The following CDH23 variants were observed in gnomAD, a reference collection of about 807,000 sequenced individuals.
The protein encoded by CDH23 is cadherin-23.
A neutral mutation model predicts 317.1 loss-of-function variants in CDH23; 189 were observed. The ratio of observed to expected loss-of-function variants is 0.60; its 90% confidence interval spans 0.53 to 0.67. The LOEUF is 0.67. Ranked by LOEUF, CDH23 falls within the 30% of genes least tolerant of loss-of-function variation. The pLI is 0.00. For missense variants in CDH23, 4,401 were observed against 4,592.4 expected (o/e 0.96, Z 1.20); for synonymous variants, 1,839 against 1,876.8 (o/e 0.98, Z 0.52).
chr10:71,709,248 T>G, intron 27 of CDH23, 37 bp downstream of exon 27: 1 of 1,572,174 alleles, frequency 6.4e-7, no homozygotes, highest in Non-Finnish European at 8.7e-7. Flanking sequence ...CACAGTGATC[T>G]GGGCAGAGTT....
intron 18 of CDH23, 138 bp downstream of exon 18, chr10:71,682,710 T>A: frequency 9.0e-7 from 1 of 1,111,578 alleles, no homozygotes; most frequent in South Asian, 1.5e-5. Context: ...CAGCCATCTG[T>A]CCCAAAGCCT....
At chr10:71,730,678 C>T (rs947736509) in intron 31 of CDH23, 74 bp downstream of exon 31, 5 of 1,580,702 alleles carry the variant, frequency 3.2e-6, no homozygotes, top group Non-Finnish European at 4.3e-6. Flanking sequence ...GCCCCTCCTT[C>T]GAAACGGTCA....
In CDH23 at chr10:71,815,453, C is replaced by A; in HGVS notation, c.*175C>A. 1.8e-6 allele frequency: 1 copy of A among 543,674 alleles called. No individual in the cohort carries two copies. Among genetic ancestry groups the A allele is most frequent in the South Asian group, 3.1e-5 (1 of 31,970 alleles). The allele number at this position is 543,674 out of a possible 1,614,324, so 33.7% of individuals were successfully genotyped here. The stretch of plus-strand genomic sequence containing the variant: ...GCTCAGATCCCACTTTTGCCAGACG[C>A]TCATTCAGCATCTGACCTCTACCTT... On this transcript the variant is annotated 3_prime_UTR_variant, in exon 70 of 70. Coordinates refer to ENST00000224721, the MANE Select transcript of CDH23 (RefSeq NM_022124.6).
At position 71,774,965 on chromosome 10, in the gene CDH23, G is replaced by A. The variant is rs564741382; in HGVS notation, c.4846-2715G>A. On this transcript the variant is annotated intron_variant, in intron 38 of 69. Coordinates refer to ENST00000224721, the MANE Select transcript of CDH23 (RefSeq NM_022124.6). Reference sequence around the variant, plus strand: ...GGCAGGGAAGGCTACAACAGAGGAAGGCTGAGGCATCATGTTATTACTAAG... The same window carrying A: ...GGCAGGGAAGGCTACAACAGAGGAAAGCTGAGGCATCATGTTATTACTAAG... Among the ~76,000 whole-genome samples the A allele has an allele frequency of 3.3e-5, 5 of 152,310 alleles. No individual in the cohort carries two copies. In the East Asian group the frequency reaches 9.6e-4, roughly 29 times the overall value.
At chr10:71,746,494 T>G (rs1037927067) in intron 38 of CDH23, among the ~76,000 whole-genome samples, 2 of 152,208 alleles carry the variant, frequency 1.3e-5, no homozygotes, top group Non-Finnish European at 1.5e-5. Flanking sequence ...CACAATGGTG[T>G]GCCACTGGCC....
intron 22 of CDH23, among the ~76,000 whole-genome samples, chr10:71,696,483 A>AAGCT (rs2132719323): frequency 6.6e-6 from 1 of 152,326 alleles, no homozygotes; most frequent in South Asian, 2.1e-4. Flanking sequence ...CAAGGTCCCA[A>AAGCT]AGCTAGTAAA....
intron 3 of CDH23, among the ~76,000 whole-genome samples, chr10:71,455,476 G>A (rs772617827): frequency 3.3e-5 from 5 of 152,004 alleles, no homozygotes; most frequent in Non-Finnish European, 7.4e-5. Context: ...ATAGGTAGAC[G>A]GACAGATGCA....
chr10:71,670,000 CA>C (rs11297300), intron 14 of CDH23, among the ~76,000 whole-genome samples: 101,233 of 151,538 alleles, frequency 0.67, 34,682 homozygotes, highest in East Asian at 0.82. Context: ...GACTCCGTCT[CA>C]AAAAAAAAAT....
chr10:71,547,003 T>G (rs926357980), intron 6 of CDH23, among the ~76,000 whole-genome samples: 11 of 152,294 alleles, frequency 7.2e-5, no homozygotes, highest in African/African-American at 2.4e-4. Context: ...AGGGTGTCAT[T>G]CATTCAACAG....
chr10:71,731,862 G>A, intron 31 of CDH23, 125 bp from the exon 32 acceptor site: 1 of 927,958 alleles, frequency 1.1e-6, no homozygotes, highest in Non-Finnish European at 1.6e-6. Flanking sequence ...GATCCTGCCG[G>A]CAGAGGTGGG....
rs1286813399 is a variant in CDH23 at position 71,815,069 on chromosome 10, C to T, written c.9856C>T (p.His3286Tyr). Residue 3286 changes from histidine (H) to tyrosine (Y), a missense_variant, in exon 70 of 70, where the codon CAC becomes TAC. His to Tyr is a moderately conservative substitution (Grantham distance 83, BLOSUM62 2). Transcript: ENST00000224721. ...LKGPDGIHVV[H>Y]GSTGTLLATD... is the part of the protein sequence containing the mutation. ...GGGGCCCGATGGGATCCATGTGGTG[C>T]ACGGCAGCACGGGCACGCTGCTGGC... is the stretch of plus-strand genomic sequence containing the variant. The T allele has an allele frequency of 2.5e-6, 4 of 1,611,720 alleles. No individual in the cohort carries two copies. Among genetic ancestry groups the T allele is most frequent in the South Asian group, 2.2e-5 (2 of 90,758 alleles).
chr10:71,812,963 G>A, intron 68 of CDH23, 73 bp downstream of exon 68: 1 of 1,584,152 alleles, frequency 6.3e-7, no homozygotes, highest in Non-Finnish European at 8.6e-7. Context: ...AACACAGGGT[G>A]GTAGAGACCT....
At chr10:71,638,956 G>A (rs577972228) in intron 11 of CDH23, among the ~76,000 whole-genome samples, 3 of 152,284 alleles carry the variant, frequency 2.0e-5, no homozygotes, top group African/African-American at 4.8e-5. Context: ...CGCTGCCCTC[G>A]TGGGGGTGGG....
At chr10:71,594,622 G>C (rs536736173) in intron 9 of CDH23, among the ~76,000 whole-genome samples, 2 of 152,152 alleles carry the variant, frequency 1.3e-5, no homozygotes, top group Admixed American at 1.3e-4. Context: ...GTCTCTGCCC[G>C]CCTTGGCCTC....
chr10:71,773,345 C>G, intron 38 of CDH23: 1 of 1,601,452 alleles, frequency 6.2e-7, no homozygotes, highest in Non-Finnish European at 8.5e-7. Flanking sequence ...CGCCCCGCCT[C>G]CCCCGACCTT....
At position 71,815,129 on chromosome 10, in the gene CDH23, A is replaced by G. The variant is rs760459028; in HGVS notation, c.9916A>G (p.Lys3306Glu). The change falls in exon 70 of 70, where the codon AAG (lysine) becomes GAG (glutamate). Residue 3306 changes from lysine to glutamate, a missense_variant. Lys to Glu is a moderately conservative substitution (Grantham distance 56, BLOSUM62 1). Around this residue, in one of 3 missense-constraint regions of CDH23, gnomAD observed 1,144 missense variants for 1,138.2 expected, o/e 1.01. Coordinates refer to ENST00000224721, the MANE Select transcript of CDH23 (RefSeq NM_022124.6). The stretch of plus-strand genomic sequence containing the variant: ...CAACAGCCTGCCCGAGGAAGACCAG[A>G]AGGGCCTGGGCCGCTCGCTGGAGAC... ...DLNSLPEEDQ[K>E]GLGRSLETLT... The G allele has an allele frequency of 6.2e-7, 1 of 1,611,438 alleles. No homozygotes were observed. The highest frequency in any genetic ancestry group is 8.5e-7 in the Non-Finnish European group (1 of 1,179,170).
intron 28 of CDH23, chr10:71,715,780 G>T (rs1866188854): frequency 9.6e-6 from 6 of 622,388 alleles, no homozygotes; most frequent in African/African-American, 7.7e-5. Flanking sequence ...TTGGGAAAGG[G>T]CGCTGGCCTG....
intron 61 of CDH23, 151 bp from the exon 62 acceptor site, chr10:71,810,321 C>A: frequency 1.2e-6 from 1 of 829,230 alleles, no homozygotes; most frequent in Non-Finnish European, 2.0e-6. Flanking sequence ...AAGTGATTGG[C>A]ACCGTGCCTG....
At chr10:71,687,548 C>A in intron 18 of CDH23, 99 bp from the exon 19 acceptor site, 1 of 1,076,088 alleles carries the variant, frequency 9.3e-7, no homozygotes, top group Non-Finnish European at 1.4e-6. Context: ...TCTTTAGGGC[C>A]AGCCAGACCT....
Sources: allele counts gnomAD v4.1 joint callset (sites outside exome capture counted in the v4.1 genomes callset), GRCh38; gene constraint gnomAD v4.1.1; regional missense constraint gnomAD v4.1.1; transcripts MANE v1.5; gene names NCBI Gene and HGNC (gene_info 2026-07-23, HGNC 2026-07-21).